The following UNC45B variants were observed in gnomAD, a reference collection of about 807,000 sequenced individuals.
UNC45B encodes the protein protein unc-45 homolog B.
Under a neutral mutation model 98.7 loss-of-function variants are expected in UNC45B, and 78 were observed. The ratio of observed to expected loss-of-function variants is 0.79; its 90% CI spans 0.66 to 0.95. UNC45B has a LOEUF of 0.95. Among genes scored for constraint, UNC45B ranks in the 40% least tolerant of loss-of-function variants. UNC45B has a pLI of 0.00. For missense variants in UNC45B, 1,225 were observed against 1,184.9 expected (o/e 1.03, Z -0.50); for synonymous variants, 462 against 480.4 (o/e 0.96, Z 0.50).
intron 7 of UNC45B, among the ~76,000 whole-genome samples, chr17:35,155,782 C>T (rs1385870558): frequency 6.6e-6 from 1 of 152,138 alleles, no homozygotes; most frequent in African/African-American, 2.4e-5. Context: ...GTTGGCCAGG[C>T]TGGTCTCAAA....
rs376925182 is a variant in UNC45B, at chr17:35,150,196, G to T, written c.354G>T (p.Arg118Ser). 2 of 1,613,128 alleles carry T rather than the reference G, an allele frequency of 1.2e-6. No homozygotes were observed. Among genetic ancestry groups the T allele is most frequent in the African/African-American group, 1.3e-5 (1 of 75,040 alleles). Reference sequence around the variant, plus strand: ...ACCAGAACTTCCAGGAGATGCTGAGGAGACTCAACACCAGCATTCAGGAGA... The same window carrying T: ...ACCAGAACTTCCAGGAGATGCTGAGTAGACTCAACACCAGCATTCAGGAGA... ...PRNQNFQEML[R>S]RLNTSIQEKL... is the part of the protein sequence containing the mutation. The change falls in exon 4 of 20, where the codon AGG becomes AGT. Residue 118 changes from arginine (R) to serine (S), a missense_variant. Physicochemically the swap from Arg to Ser is moderately radical, Grantham distance 110 (BLOSUM62 -1). Coordinates refer to ENST00000394570, the MANE Select transcript of UNC45B (RefSeq NM_001267052.2).
intron 17 of UNC45B, among the ~76,000 whole-genome samples, chr17:35,178,652 T>A (rs564670376): frequency 6.6e-6 from 1 of 152,238 alleles, no homozygotes. Flanking sequence ...GGTTTTCTTC[T>A]AGGGTTTTTA....
rs763412905 is a variant in UNC45B, at chr17:35,164,087, C to T, written c.1072C>T (p.Leu358Phe). 6.2e-7 allele frequency: 1 copy of T among 1,614,134 alleles called. No individual in the cohort carries two copies. The highest frequency in any genetic ancestry group is 8.5e-7 in the Non-Finnish European group (1 of 1,180,022). ...TDNTRMLASI[L>F]INKLYDDLRC... ...CAACACCCGCATGCTGGCCTCTATC[C>T]TCATCAACAAGCTCTATGATGACCT... The change falls in exon 9 of 20, where the codon CTC (leucine) becomes TTC (phenylalanine). Residue 358 changes from leucine to phenylalanine, a missense_variant. By Grantham distance (22) the Leu-to-Phe change is conservative (BLOSUM62 0). Transcript: ENST00000394570.
intron 8 of UNC45B, among the ~76,000 whole-genome samples, chr17:35,160,733 G>A (rs891122287): frequency 7.9e-5 from 12 of 152,168 alleles, no homozygotes; most frequent in South Asian, 4.1e-4. Flanking sequence ...CCATGGCACC[G>A]GGCCAAGATT....
At chr17:35,157,326 A>G (rs541090352) in intron 7 of UNC45B, among the ~76,000 whole-genome samples, 111 of 151,762 alleles carry the variant, frequency 7.3e-4, no homozygotes, top group African/African-American at 2.5e-3. Flanking sequence ...TGCAACCTCC[A>G]CCTCCCGGGT....
chr17:35,162,496 C>T (rs1434508778), intron 8 of UNC45B, among the ~76,000 whole-genome samples: 2 of 152,156 alleles, frequency 1.3e-5, no homozygotes, highest in Non-Finnish European at 2.9e-5. Context: ...GTCTGTTGCC[C>T]GGGCTGGTCT....
chr17:35,161,934 G>A (rs939894818), intron 8 of UNC45B, among the ~76,000 whole-genome samples: 1 of 152,128 alleles, frequency 6.6e-6, no homozygotes, highest in Non-Finnish European at 1.5e-5. Flanking sequence ...TAGCCAAAGG[G>A]GCTTAAAGTG....
chr17:35,164,067 C>A lies in UNC45B; in HGVS notation c.1052C>A (p.Thr351Asn). The A allele has an allele frequency of 1.2e-6, 2 of 1,614,118 alleles. No homozygotes were observed. The highest frequency in any genetic ancestry group is 1.7e-6 in the Non-Finnish European group (2 of 1,180,014). The change falls in exon 9 of 20, where the codon ACC becomes AAC. Residue 351 changes from threonine (T) to asparagine (N), a missense_variant. Coordinates refer to ENST00000394570, the MANE Select transcript of UNC45B (RefSeq NM_001267052.2). ...TCCTGCCTGCCCCTGACTGACAACA[C>A]CCGCATGCTGGCCTCTATCCTCATC... ...LPSCLPLTDN[T>N]RMLASILINK...
intron 15 of UNC45B, 82 bp downstream of exon 15, chr17:35,176,116 A>G: frequency 7.1e-7 from 1 of 1,407,000 alleles, no homozygotes; most frequent in Non-Finnish European, 1.0e-6. Flanking sequence ...CTCTGCCCCA[A>G]CTCGACCTCC....
Position 35,181,925 on chromosome 17 carries a change from G to A in UNC45B, c.2373+1249G>A, listed in dbSNP as rs111348986. On this transcript the variant is annotated intron_variant, in intron 18 of 19. Transcript: ENST00000394570. ...AGAGAGTGTGTCCAAGGAGATGGGC[G>A]GGGAGGCTGAGAGGTTGAGAGAGGT... 4.9e-3 allele frequency among the ~76,000 whole-genome samples: 742 copies of A among 152,062 alleles called. 9 individuals carry two copies. The highest frequency in any genetic ancestry group is 0.016 in the African/African-American group (683 of 41,456).
At chr17:35,167,313 A>T (rs2092148068) in intron 9 of UNC45B, among the ~76,000 whole-genome samples, 1 of 152,154 alleles carries the variant, frequency 6.6e-6, no homozygotes, top group Admixed American at 6.5e-5. Flanking sequence ...CTTCCCAGGG[A>T]AGCCAGTATG....
intron 4 of UNC45B, among the ~76,000 whole-genome samples, chr17:35,151,893 G>A (rs1290277272): frequency 6.6e-6 from 1 of 152,136 alleles, no homozygotes; most frequent in Non-Finnish European, 1.5e-5. Context: ...GAGCCCAGGA[G>A]TTGGAGACCA....
chr17:35,162,036 C>T (rs552266313), intron 8 of UNC45B, among the ~76,000 whole-genome samples: 15 of 152,344 alleles, frequency 9.8e-5, no homozygotes, highest in South Asian at 2.1e-4. Context: ...ACCTTGCCCT[C>T]TGCATCTCTT....
At chr17:35,148,826 G>A in intron 2 of UNC45B, 147 bp from the exon 3 acceptor site, 3 of 908,576 alleles carry the variant, frequency 3.3e-6, no homozygotes, top group Non-Finnish European at 5.1e-6. Flanking sequence ...TGTCCTCTTT[G>A]CCATGCCTGT....
Position 35,183,478 on chromosome 17 carries a change from C to T in UNC45B, c.2425C>T (p.Leu809=), listed in dbSNP as rs774832861. The T allele has an allele frequency of 6.2e-7, 1 of 1,604,394 alleles. No homozygotes were observed. Among genetic ancestry groups the T allele is most frequent in the South Asian group, 1.1e-5 (1 of 89,680 alleles). ...DGNDRLKLVV[L]LCGEDDDKVQ... ...GAATGACCGGCTGAAGCTGGTGGTG[C>T]TGCTCTGCGGGGAGGATGATGATAA... is the stretch of plus-strand genomic sequence containing the variant. The change falls in exon 19 of 20, where the codon CTG becomes TTG. Residue 809 remains leucine (L), a synonymous_variant. Coordinates refer to ENST00000394570, the MANE Select transcript of UNC45B (RefSeq NM_001267052.2).
intron 8 of UNC45B, among the ~76,000 whole-genome samples, chr17:35,160,795 G>A (rs545908095): frequency 2.0e-5 from 3 of 152,166 alleles, no homozygotes; most frequent in East Asian, 1.9e-4. Context: ...TGTCAGCTCC[G>A]AGGTGTTACC....
chr17:35,184,750 C>T (rs2092293658), intron 19 of UNC45B, among the ~76,000 whole-genome samples: 1 of 152,186 alleles, frequency 6.6e-6, no homozygotes, highest in South Asian at 2.1e-4. Context: ...TGCCAACCCA[C>T]TCCTGGCCAC....
At position 35,186,652 on chromosome 17, in the gene UNC45B, C is replaced by T. The variant is rs536482054; in HGVS notation, c.*93C>T. On this transcript the variant is annotated 3_prime_UTR_variant, in exon 20 of 20. Transcript: ENST00000394570. The stretch of plus-strand genomic sequence containing the variant: ...CTGAAGAGTCAGGTCATCTAGGGAT[C>T]ATAGCAGTGACAATGAAGTCTCAAT... 5.0e-6 allele frequency: 7 copies of T among 1,410,604 alleles called. No homozygotes were observed. In the South Asian group the frequency reaches 9.4e-5, roughly 19 times the overall value. The allele number at this position is 1,410,604 out of a possible 1,614,324, so 87.4% of individuals were successfully genotyped here. A position where few individuals can be genotyped will look rare whatever the true frequency, so the allele number is the denominator to read the frequency against.
intron 18 of UNC45B, 33 bp downstream of exon 18, chr17:35,180,709 G>A (rs764830309): frequency 1.4e-5 from 22 of 1,571,838 alleles, no homozygotes; most frequent in Admixed American, 3.4e-5. Context: ...AGACCCGGGC[G>A]TGATCAAGGC....
Sources: gnomAD v4.1 joint callset for allele counts (sites outside exome capture counted in the v4.1 genomes callset) on GRCh38, gnomAD v4.1.1 for gene constraint, MANE v1.5 for transcripts, NCBI Gene and HGNC (gene_info 2026-07-23, HGNC 2026-07-21) for gene names.